Variants in CSMD2 observed in about 807,000 individuals in gnomAD.
CSMD2 encodes the protein CUB and sushi domain-containing protein 2.
A neutral mutation model predicts 398.5 loss-of-function variants in CSMD2; 130 were observed. That is an observed-to-expected ratio of 0.33 (90% CI 0.28 to 0.38). The LOEUF (loss-of-function observed/expected upper bound fraction) is 0.38, where lower values mean the gene tolerates loss of function less well. CSMD2 is among the 10% of genes least tolerant of loss of function. CSMD2 has a pLI of 1.00. For missense variants in CSMD2, 3,829 were observed against 4,764.9 expected, an observed-to-expected ratio of 0.80 and a Z score of 5.78; for synonymous variants, 1,828 against 1,908.5, an observed-to-expected ratio of 0.96 and a Z score of 1.10.
At chr1:33,851,495 C>T (rs569504131) in intron 5 of CSMD2, among the ~76,000 whole-genome samples, 2 of 152,288 alleles carry the variant, frequency 1.3e-5, no homozygotes, top group East Asian at 3.9e-4. Context: ...ACCTTATCCC[C>T]ACTCCCAAGC....
chr1:34,091,089 A>C (rs1306679960), intron 1 of CSMD2, among the ~76,000 whole-genome samples: 1 of 152,146 alleles, frequency 6.6e-6, no homozygotes, highest in Non-Finnish European at 1.5e-5. Flanking sequence ...ACACAGTGTC[A>C]TGACACCGTA....
At chr1:34,086,799 C>G (rs775209318) in intron 2 of CSMD2, among the ~76,000 whole-genome samples, 11 of 152,122 alleles carry the variant, frequency 7.2e-5, no homozygotes, top group Admixed American at 1.3e-4. Flanking sequence ...CAGAACCCTC[C>G]AAGGGTTTCC....
intron 52 of CSMD2, among the ~76,000 whole-genome samples, chr1:33,568,730 A>G (rs772741375): frequency 2.0e-5 from 3 of 152,130 alleles, no homozygotes; most frequent in Non-Finnish European, 4.4e-5. Context: ...ATAACCTGTG[A>G]CTGTGTCCTT....
intron 19 of CSMD2, among the ~76,000 whole-genome samples, chr1:33,722,897 G>C (rs1646404144): frequency 6.6e-6 from 1 of 152,116 alleles, no homozygotes; most frequent in Non-Finnish European, 1.5e-5. Flanking sequence ...GCTTGAGAAT[G>C]CTTGAGGTAT....
At chr1:33,737,767 C>G (rs887758796) in intron 15 of CSMD2, among the ~76,000 whole-genome samples, 7 of 152,134 alleles carry the variant, frequency 4.6e-5, no homozygotes, top group Non-Finnish European at 8.8e-5. Flanking sequence ...GAGCATCTAC[C>G]AAGTATCAAA....
At chr1:33,959,357 G>C (rs1304959239) in intron 3 of CSMD2, among the ~76,000 whole-genome samples, 2 of 152,044 alleles carry the variant, frequency 1.3e-5, no homozygotes, top group Non-Finnish European at 2.9e-5. Context: ...GACACACACA[G>C]ATATTTAAGT....
intron 1 of CSMD2, among the ~76,000 whole-genome samples, chr1:34,104,809 G>A (rs1242747239): frequency 6.6e-6 from 1 of 152,122 alleles, no homozygotes. Flanking sequence ...GATCCTTTAG[G>A]AAAGGACCAA....
chr1:34,016,503 A>C (rs574149495), intron 3 of CSMD2, among the ~76,000 whole-genome samples: 30 of 152,270 alleles, frequency 2.0e-4, no homozygotes, highest in African/African-American at 7.0e-4. Context: ...TCACGGCTGC[A>C]TAGTATTCCA....
chr1:33,615,340 G>A (rs1473187534), intron 39 of CSMD2, among the ~76,000 whole-genome samples: 1 of 152,216 alleles, frequency 6.6e-6, no homozygotes, highest in African/African-American at 2.4e-5. Flanking sequence ...TTAGGAAAAG[G>A]TTGTGTGAAC....
At chr1:33,613,574 T>C (rs186273978) in intron 40 of CSMD2, among the ~76,000 whole-genome samples, 11 of 152,322 alleles carry the variant, frequency 7.2e-5, no homozygotes, top group African/African-American at 2.6e-4. Flanking sequence ...GAAGGCCAGT[T>C]AGACTGCTTT....
At chr1:33,832,923 C>T (rs138079472) in intron 6 of CSMD2, among the ~76,000 whole-genome samples, 14 of 152,126 alleles carry the variant, frequency 9.2e-5, no homozygotes, top group African/African-American at 3.4e-4. Context: ...AATTCCTAGA[C>T]ACATACACCC....
chr1:33,790,703 CATCT>C (rs1290629922), intron 11 of CSMD2, among the ~76,000 whole-genome samples: 27 of 137,234 alleles, frequency 2.0e-4, no homozygotes, highest in Middle Eastern at 3.7e-3. Context: ...ATCTATCTAT[CATCT>C]ATCTGTCTAT....
At chr1:33,690,232 G>A (rs1028925369) in intron 25 of CSMD2, among the ~76,000 whole-genome samples, 15 of 152,196 alleles carry the variant, frequency 9.9e-5, no homozygotes, top group Non-Finnish European at 1.6e-4. Flanking sequence ...ATCCAGCTGC[G>A]GGAACCATTT....
chr1:33,707,897 T>C (rs1450531865), intron 22 of CSMD2, among the ~76,000 whole-genome samples: 1 of 152,224 alleles, frequency 6.6e-6, no homozygotes, highest in East Asian at 1.9e-4. Flanking sequence ...TAGTGGGCTC[T>C]GGTTCAACTT....
intron 1 of CSMD2, among the ~76,000 whole-genome samples, chr1:34,132,128 A>G (rs901953609): frequency 6.6e-6 from 1 of 152,080 alleles, no homozygotes; most frequent in Non-Finnish European, 1.5e-5. Flanking sequence ...AGGAAGAGCA[A>G]GAGAGAGGGA....
chr1:33,700,272 G>A (rs1001571029), intron 23 of CSMD2, among the ~76,000 whole-genome samples: 2 of 152,196 alleles, frequency 1.3e-5, no homozygotes, highest in African/African-American at 4.8e-5. Context: ...CTCCCAAAGT[G>A]CTGGGATTAT....
chr1:33,724,686 T>G lies in CSMD2; in HGVS notation c.2714A>C (p.Asp905Ala). 1 of 1,614,046 alleles carries G rather than the reference T, an allele frequency of 6.2e-7. No individual in the cohort carries two copies. Among genetic ancestry groups the G allele is most frequent in the Non-Finnish European group, 8.5e-7 (1 of 1,179,962 alleles). Reference protein sequence around the residue: ...LRYETITLQSDHCLDPGIPVN... With the variant: ...LRYETITLQSAHCLDPGIPVN... Reference sequence around the variant, plus strand: ...TGGGATTCCTGGATCCAGACAGTGGTCTGACTGCAGTGTTATAGCTGAAAG... The same window carrying G: ...TGGGATTCCTGGATCCAGACAGTGGGCTGACTGCAGTGTTATAGCTGAAAG... Residue 905 changes from aspartate (D) to alanine (A), a missense_variant, in exon 18 of 71, where the codon GAC (aspartate) becomes GCC (alanine). By Grantham distance (126) the Asp-to-Ala change is moderately radical. Around this residue, in one of 5 missense-constraint regions of CSMD2, gnomAD observed 2,001 missense variants for 2,567.1 expected, o/e 0.78. Transcript: ENST00000373381.
intron 12 of CSMD2, among the ~76,000 whole-genome samples, chr1:33,783,001 C>T (rs1484342760): frequency 6.6e-6 from 1 of 152,010 alleles, no homozygotes; most frequent in East Asian, 1.9e-4. Flanking sequence ...TGGGAAGACT[C>T]TGCCACTATT....
intron 32 of CSMD2, among the ~76,000 whole-genome samples, chr1:33,630,747 A>AAGTTTAATG (rs1284959613): frequency 6.6e-6 from 1 of 152,214 alleles, no homozygotes; most frequent in Non-Finnish European, 1.5e-5. Flanking sequence ...ATTAACACAA[A>AAGTTTAATG]AGTTTAATGC....
Sources: gnomAD v4.1 joint callset for allele counts (sites outside exome capture counted in the v4.1 genomes callset) on GRCh38, gnomAD v4.1.1 for gene constraint, gnomAD v4.1.1 regional missense constraint, MANE v1.5 for transcripts, NCBI Gene and HGNC (gene_info 2026-07-23, HGNC 2026-07-21) for gene names.